CPEB3: variants seen among roughly 807,000 people sequenced by gnomAD.
CPEB3 encodes the protein cytoplasmic polyadenylation element-binding protein 3.
CPEB3 carries 20 observed loss-of-function variants against 67.2 expected under a neutral mutation model. The ratio of observed to expected loss-of-function variants is 0.30; its 90% confidence interval spans 0.21 to 0.43. CPEB3 has a LOEUF of 0.43. Ranked by LOEUF, CPEB3 falls within the 20% of genes least tolerant of loss-of-function variation. CPEB3 has a pLI of 1.00. For synonymous variants in CPEB3, 376 were observed against 393.1 expected (o/e 0.96, Z 0.51); for missense variants, 746 against 968.6 (o/e 0.77, Z 3.05).
intron 9 of CPEB3, among the ~76,000 whole-genome samples, chr10:92,058,444 G>A (rs1564744919): frequency 6.6e-6 from 1 of 152,002 alleles, no homozygotes; most frequent in Non-Finnish European, 1.5e-5. Context: ...AGCTACCCAG[G>A]AGGCTGAGGC....
intron 7 of CPEB3, among the ~76,000 whole-genome samples, chr10:92,109,315 C>T (rs61204062): frequency 0.09 from 13,598 of 151,238 alleles, 2,041 homozygotes; most frequent in African/African-American, 0.31. Context: ...TGCAATGACG[C>T]GATCTCGGCT....
intron 4 of CPEB3, among the ~76,000 whole-genome samples, chr10:92,180,095 T>A (rs754147102): frequency 1.3e-5 from 2 of 152,220 alleles, no homozygotes; most frequent in African/African-American, 2.4e-5. Flanking sequence ...ATTTAGAGAC[T>A]GTTCTTCTGC....
At chr10:92,095,582 T>TTATATA (rs372481233) in intron 7 of CPEB3, among the ~76,000 whole-genome samples, 8 of 122,488 alleles carry the variant, frequency 6.5e-5, no homozygotes, top group African/African-American at 2.8e-4. Flanking sequence ...TGGTCCTGAT[T>TTATATA]TATATATATA....
intron 2 of CPEB3, among the ~76,000 whole-genome samples, chr10:92,229,235 T>C (rs539342922): frequency 2.6e-5 from 4 of 152,124 alleles, no homozygotes; most frequent in African/African-American, 9.6e-5. Flanking sequence ...GGTCTCACTA[T>C]GTTGCCCAAG....
intron 9 of CPEB3, among the ~76,000 whole-genome samples, chr10:92,056,648 C>T (rs892983397): frequency 2.6e-5 from 4 of 152,092 alleles, no homozygotes; most frequent in African/African-American, 4.8e-5. Context: ...CTTGAAAGTC[C>T]GTCTAGGCCA....
At chr10:92,120,098 C>CAAAAAAAAAAAAAAAAAAAACAAGAA (rs34785763) in intron 6 of CPEB3, among the ~76,000 whole-genome samples, 4 of 45,242 alleles carry the variant, frequency 8.8e-5, no homozygotes, top group South Asian at 5.4e-4. Context: ...ACTAAAAATA[C>CAAAAAAAAAAAAAAAAAAAACAAGAA]AAAAAAAAAA....
intron 2 of CPEB3, among the ~76,000 whole-genome samples, chr10:92,196,658 C>T (rs982736552): frequency 6.6e-6 from 1 of 151,958 alleles, no homozygotes. Flanking sequence ...GTCCCAACTA[C>T]TCGGGAGGCT....
At chr10:92,082,628 T>C (rs1404030013) in intron 8 of CPEB3, among the ~76,000 whole-genome samples, 2 of 152,148 alleles carry the variant, frequency 1.3e-5, no homozygotes, top group Admixed American at 6.6e-5. Context: ...AAGGTACCAT[T>C]AGAAAAACAT....
intron 3 of CPEB3, among the ~76,000 whole-genome samples, chr10:92,188,021 C>A (rs991621233): frequency 6.6e-6 from 1 of 151,892 alleles, no homozygotes; most frequent in Non-Finnish European, 1.5e-5. Context: ...CATGGTGAAA[C>A]CTTGTCTCTA....
rs924738925 is a variant in CPEB3 at position 92,222,081 on chromosome 10, A to G, written c.1005+17265T>C. 2.0e-5 allele frequency among the ~76,000 whole-genome samples: 3 copies of G among 152,146 alleles called. 1 individual carries two copies. Among genetic ancestry groups the G allele is most frequent in the Non-Finnish European group, 4.4e-5 (3 of 68,034 alleles). On this transcript the variant is annotated intron_variant, in intron 2 of 9. Coordinates refer to ENST00000265997, the MANE Select transcript of CPEB3 (RefSeq NM_014912.5). ...TTAATCTCTGTGTTTTATCTTCCCT[A>G]TAAAAAATATCCACAGCACATTCAA... is the stretch of plus-strand genomic sequence containing the variant.
intron 4 of CPEB3, 91 bp downstream of exon 4, chr10:92,180,872 G>A: frequency 1.3e-6 from 1 of 777,344 alleles, no homozygotes; most frequent in Non-Finnish European, 2.3e-6. Context: ...TTCAGCGGAA[G>A]GTTAAAATGT....
At chr10:92,183,110 T>C (rs1471664227) in intron 3 of CPEB3, among the ~76,000 whole-genome samples, 1 of 152,192 alleles carries the variant, frequency 6.6e-6, no homozygotes, top group Non-Finnish European at 1.5e-5. Context: ...CTAGCATTTG[T>C]AATATAGTAA....
At chr10:92,197,576 A>G (rs1355060106) in intron 2 of CPEB3, among the ~76,000 whole-genome samples, 3 of 152,350 alleles carry the variant, frequency 2.0e-5, no homozygotes, top group Admixed American at 2.0e-4. Context: ...TAGAACATCT[A>G]TAAATAATGC....
chr10:92,121,335 G>A (rs1279572123), intron 6 of CPEB3, among the ~76,000 whole-genome samples: 1 of 147,614 alleles, frequency 6.8e-6, no homozygotes, highest in Non-Finnish European at 1.5e-5. Flanking sequence ...TGGCTATTGG[G>A]GAAATACACA....
At chr10:92,160,051 A>G (rs1049395838) in intron 4 of CPEB3, among the ~76,000 whole-genome samples, 3 of 151,336 alleles carry the variant, frequency 2.0e-5, no homozygotes, top group Non-Finnish European at 4.4e-5. Context: ...GGTTCAAGCG[A>G]TTCTCCTGCG....
chr10:92,094,470 C>T (rs898162319), intron 7 of CPEB3, among the ~76,000 whole-genome samples: 1 of 151,862 alleles, frequency 6.6e-6, no homozygotes, highest in African/African-American at 2.4e-5. Context: ...GGCGTGGTAG[C>T]GGGCGCCTGT....
At chr10:92,131,974 G>T (rs1224143993) in intron 6 of CPEB3, among the ~76,000 whole-genome samples, 1 of 152,122 alleles carries the variant, frequency 6.6e-6, no homozygotes, top group African/African-American at 2.4e-5. Context: ...AAGGTAAAAA[G>T]AAACAAGTGA....
At chr10:92,258,169 G>A (rs527559427) in intron 1 of CPEB3, among the ~76,000 whole-genome samples, 4 of 146,658 alleles carry the variant, frequency 2.7e-5, no homozygotes, top group African/African-American at 5.0e-5. Context: ...GTACCATCTC[G>A]GCTCACTGCA....
At chr10:92,251,375 TCTCTTCTCTC>T (rs1007980179) in intron 1 of CPEB3, among the ~76,000 whole-genome samples, 14 of 152,152 alleles carry the variant, frequency 9.2e-5, no homozygotes, top group Non-Finnish European at 2.1e-4. Context: ...TTCTCTCTTC[TCTCTTCTCTC>T]CTCTTCTCTC....
Sources: allele counts gnomAD v4.1 joint callset (sites outside exome capture counted in the v4.1 genomes callset), GRCh38; gene constraint gnomAD v4.1.1; transcripts MANE v1.5; gene names NCBI Gene and HGNC (gene_info 2026-07-23, HGNC 2026-07-21).